Variants in NLGN1 observed in about 807,000 individuals in gnomAD.
NLGN1 encodes neuroligin 1, also known as neuroligin-1.
Under a neutral mutation model 65.5 loss-of-function variants are expected in NLGN1, and 12 were observed. The observed-to-expected ratio is 0.18, with a 90% CI of 0.12 to 0.30. NLGN1 has a LOEUF of 0.30. Among genes scored for constraint, NLGN1 ranks in the 10% least tolerant of loss-of-function variants. The pLI, the probability that NLGN1 is intolerant of heterozygous loss-of-function variation, is 1.00. For missense variants in NLGN1, 750 were observed against 1,007.1 expected (o/e 0.74, Z 3.46); for synonymous variants, 350 against 359.5 (o/e 0.97, Z 0.30).
chr3:174,058,723 T>C (rs115521794), intron 4 of NLGN1, among the ~76,000 whole-genome samples: 3,858 of 152,180 alleles, frequency 0.025, 66 homozygotes, highest in African/African-American at 0.031. Flanking sequence ...ATGGGTAGTT[T>C]AGTGGTAGAC....
intron 3 of NLGN1, among the ~76,000 whole-genome samples, chr3:173,724,223 A>G (rs1166448384): frequency 6.6e-6 from 1 of 152,240 alleles, no homozygotes; most frequent in Non-Finnish European, 1.5e-5. Context: ...ATGCTGTTTA[A>G]TATTATGAAA....
At chr3:174,168,434 AT>A (rs1408468849) in intron 4 of NLGN1, among the ~76,000 whole-genome samples, 2 of 150,974 alleles carry the variant, frequency 1.3e-5, no homozygotes, top group Non-Finnish European at 3.0e-5. Context: ...TTCTCTTTCT[AT>A]TTTCCCCCTC....
chr3:173,445,454 C>G (rs565863471), intron 2 of NLGN1, among the ~76,000 whole-genome samples: 1 of 152,234 alleles, frequency 6.6e-6, no homozygotes, highest in Non-Finnish European at 1.5e-5. Context: ...ATACATGTTT[C>G]AATTTACAGA....
At chr3:174,137,370 A>T (rs1253103572) in intron 4 of NLGN1, among the ~76,000 whole-genome samples, 2 of 152,162 alleles carry the variant, frequency 1.3e-5, no homozygotes, top group African/African-American at 4.8e-5. Context: ...ATTGGATATG[A>T]CATAATTTTA....
chr3:173,459,123 T>A (rs796341018), intron 2 of NLGN1, among the ~76,000 whole-genome samples: 35 of 152,188 alleles, frequency 2.3e-4, no homozygotes, highest in African/African-American at 6.5e-4. Flanking sequence ...TCATAGCCCA[T>A]CTCTTCCTCT....
chr3:174,226,352 T>C (rs1001071866), intron 4 of NLGN1, among the ~76,000 whole-genome samples: 10 of 152,164 alleles, frequency 6.6e-5, no homozygotes, highest in African/African-American at 2.2e-4. Flanking sequence ...TTTCTTATAC[T>C]GTGCCAAAGG....
chr3:173,716,740 T>TGCAATCAGGGTGAAA (rs141933429), intron 3 of NLGN1, among the ~76,000 whole-genome samples: 1 of 152,048 alleles, frequency 6.6e-6, no homozygotes, highest in Admixed American at 6.6e-5. Context: ...AAGAGAAAGC[T>TGCAATCAGGGTGAAA]GCATAATGTA....
At chr3:173,507,780 C>A (rs982534145) in intron 2 of NLGN1, among the ~76,000 whole-genome samples, 1 of 152,066 alleles carries the variant, frequency 6.6e-6, no homozygotes, top group South Asian at 2.1e-4. Context: ...CTTTTCCTGA[C>A]AGTTGTTAGA....
intron 4 of NLGN1, among the ~76,000 whole-genome samples, chr3:174,035,620 C>G (rs1234761028): frequency 6.6e-6 from 1 of 152,146 alleles, no homozygotes; most frequent in East Asian, 1.9e-4. Context: ...GAGGTTTGCT[C>G]CACTTAATGA....
chr3:173,923,072 A>G (rs1742349656), intron 4 of NLGN1, among the ~76,000 whole-genome samples: 1 of 150,802 alleles, frequency 6.6e-6, no homozygotes, highest in African/African-American at 2.5e-5. Context: ...CAGCAATCTT[A>G]CCTACAAAGC....
chr3:173,795,941 G>A (rs1242770474), intron 3 of NLGN1, among the ~76,000 whole-genome samples: 1 of 152,098 alleles, frequency 6.6e-6, no homozygotes, highest in East Asian at 1.9e-4. Context: ...AAAAAACAAG[G>A]TCAATAGCCA....
chr3:174,272,943 A>C (rs1749748341), intron 4 of NLGN1, among the ~76,000 whole-genome samples: 1 of 151,570 alleles, frequency 6.6e-6, no homozygotes, highest in South Asian at 2.1e-4. Flanking sequence ...CTCTTTCTTG[A>C]ATATATTACA....
intron 2 of NLGN1, among the ~76,000 whole-genome samples, chr3:173,592,669 T>TA (rs1302975984): frequency 6.6e-6 from 1 of 152,210 alleles, no homozygotes; most frequent in Non-Finnish European, 1.5e-5. Context: ...AAAAATAGTA[T>TA]AATGAATTAA....
chr3:173,987,713 C>T (rs1476169319), intron 4 of NLGN1, among the ~76,000 whole-genome samples: 2 of 152,182 alleles, frequency 1.3e-5, no homozygotes, highest in Non-Finnish European at 2.9e-5. Context: ...AAAGGCAATG[C>T]CTAAACCCAG....
intron 4 of NLGN1, among the ~76,000 whole-genome samples, chr3:174,091,931 A>G (rs184733943): frequency 3.3e-4 from 50 of 152,334 alleles, no homozygotes; most frequent in Admixed American, 1.4e-3. Context: ...CTATTTTAAG[A>G]GTACTGTACT....
At chr3:173,554,155 T>A (rs1741344605) in intron 2 of NLGN1, among the ~76,000 whole-genome samples, 1 of 152,202 alleles carries the variant, frequency 6.6e-6, no homozygotes, top group African/African-American at 2.4e-5. Flanking sequence ...GAATTATAAT[T>A]CTATAAAGCT....
chr3:173,753,214 CT>C (rs1420307111), intron 3 of NLGN1, among the ~76,000 whole-genome samples: 1 of 152,080 alleles, frequency 6.6e-6, no homozygotes, highest in African/African-American at 2.4e-5. Context: ...ATTTATAATG[CT>C]TAAATTTAGA....
At chr3:173,643,421 A>G (rs1757717539) in intron 3 of NLGN1, among the ~76,000 whole-genome samples, 1 of 152,234 alleles carries the variant, frequency 6.6e-6, no homozygotes, top group South Asian at 2.1e-4. Flanking sequence ...GCATATAAAA[A>G]TCATCTGAGA....
chr3:173,564,425 C>CTG, intron 2 of NLGN1, among the ~76,000 whole-genome samples: 2 of 152,244 alleles, frequency 1.3e-5, no homozygotes, highest in African/African-American at 4.8e-5. Context: ...CTGTGTAAAA[C>CTG]ATTATGAGTC....
Sources: gnomAD v4.1 joint callset for allele counts (sites outside exome capture counted in the v4.1 genomes callset) on GRCh38, gnomAD v4.1.1 for gene constraint, MANE v1.5 for transcripts, NCBI Gene and HGNC (gene_info 2026-07-23, HGNC 2026-07-21) for gene names.